The following GPC6 variants were observed in gnomAD, a reference collection of about 807,000 sequenced individuals.
GPC6 encodes the protein glypican-6.
Under a neutral mutation model 55.2 loss-of-function variants are expected in GPC6, and 14 were observed. The observed-to-expected ratio is 0.25, with a 90% CI of 0.17 to 0.40. The LOEUF is 0.40. Ranked by LOEUF, GPC6 falls within the 10% of genes least tolerant of loss-of-function variation. The probability of loss-of-function intolerance (pLI) is 1.00; values close to 1 mark genes in which losing one functional copy is unlikely to be tolerated. For synonymous variants in GPC6, 278 were observed against 259.6 expected (o/e 1.07, Z -0.68); for missense variants, 641 against 708.5 (o/e 0.90, Z 1.08).
chr13:94,046,691 A>G (rs1353405129), intron 4 of GPC6, among the ~76,000 whole-genome samples: 1 of 151,942 alleles, frequency 6.6e-6, no homozygotes, highest in Non-Finnish European at 1.5e-5. Context: ...ACTTTTCTGC[A>G]TTTCTCTTAT....
chr13:93,224,128 G>C (rs186374843), upstream of GPC6, among the ~76,000 whole-genome samples: 9 of 151,200 alleles, frequency 6.0e-5, no homozygotes, highest in East Asian at 1.8e-3. Flanking sequence ...TCGATCTCCT[G>C]ACCTCGTGAT....
At chr13:94,366,619 C>T (rs1248673911) in intron 6 of GPC6, among the ~76,000 whole-genome samples, 2 of 152,238 alleles carry the variant, frequency 1.3e-5, no homozygotes, top group African/African-American at 4.8e-5. Context: ...ATTATGAAGA[C>T]CGCATATCTA....
intron 2 of GPC6, among the ~76,000 whole-genome samples, chr13:93,773,414 GA>G (rs946317147): frequency 2.6e-5 from 4 of 152,044 alleles, no homozygotes; most frequent in Non-Finnish European, 5.9e-5. Flanking sequence ...AATTGATGAT[GA>G]AAAAGACAGG....
intron 6 of GPC6, among the ~76,000 whole-genome samples, chr13:94,363,594 C>A (rs565180580): frequency 2.0e-5 from 3 of 152,174 alleles, no homozygotes; most frequent in African/African-American, 7.2e-5. Context: ...ACAACAACCC[C>A]TAGCCTAGGA....
chr13:94,280,086 G>T (rs915212388), intron 4 of GPC6, among the ~76,000 whole-genome samples: 1 of 152,106 alleles, frequency 6.6e-6, no homozygotes, highest in African/African-American at 2.4e-5. Flanking sequence ...AAGTTTCTTT[G>T]TAGGTCTCTA....
At chr13:93,705,939 A>G (rs1198586510) in intron 2 of GPC6, among the ~76,000 whole-genome samples, 1 of 151,708 alleles carries the variant, frequency 6.6e-6, no homozygotes, top group African/African-American at 2.4e-5. Context: ...TGAAACATGA[A>G]TACATACAGA....
chr13:93,538,578 G>T (rs774674431), intron 1 of GPC6, among the ~76,000 whole-genome samples: 11 of 152,176 alleles, frequency 7.2e-5, no homozygotes, highest in Non-Finnish European at 1.5e-4. Context: ...TTCTTAAGGT[G>T]ATTGAAACTG....
At chr13:94,181,358 C>T (rs568892962) in intron 4 of GPC6, among the ~76,000 whole-genome samples, 1 of 152,264 alleles carries the variant, frequency 6.6e-6, no homozygotes, top group South Asian at 2.1e-4. Context: ...CTCTTTATTT[C>T]TCAGACCGGC....
At position 94,097,046 on chromosome 13, in the gene GPC6, A is replaced by ACACC. The variant is rs1240998704; in HGVS notation, c.877+69152_877+69153insCACC. ...AACACCTATTATGATAAATAGGTTA[A>ACACC]TACCTATTATGCACTTAGCACAGTG... On this transcript the variant is annotated intron_variant, in intron 4 of 8. Transcript: ENST00000377047. Among the ~76,000 whole-genome samples the ACACC allele has an allele frequency of 3.8e-3, 576 of 151,916 alleles. 8 individuals are homozygous for ACACC. Among genetic ancestry groups the ACACC allele is most frequent in the African/African-American group, 0.013 (554 of 41,444 alleles).
intron 6 of GPC6, among the ~76,000 whole-genome samples, chr13:94,335,714 G>A (rs1369160116): frequency 1.3e-5 from 2 of 152,096 alleles, no homozygotes; most frequent in Admixed American, 1.3e-4. Flanking sequence ...ATATGTGTGT[G>A]GATTTGAACT....
intron 2 of GPC6, among the ~76,000 whole-genome samples, chr13:93,600,981 C>T (rs1423804823): frequency 7.3e-6 from 1 of 136,180 alleles, no homozygotes; most frequent in Non-Finnish European, 1.6e-5. Context: ...AAAAAAAAAA[C>T]GGGGATATGA....
At chr13:94,236,273 C>T (rs760404918) in intron 4 of GPC6, among the ~76,000 whole-genome samples, 6 of 152,064 alleles carry the variant, frequency 3.9e-5, no homozygotes, top group East Asian at 1.9e-4. Context: ...GATTAGTTGA[C>T]GGAGCAGCAG....
At chr13:93,995,407 C>T (rs909299064) in intron 3 of GPC6, among the ~76,000 whole-genome samples, 4 of 151,922 alleles carry the variant, frequency 2.6e-5, no homozygotes, top group African/African-American at 9.7e-5. Flanking sequence ...AGGCTGGTCT[C>T]GATCTCCTAA....
intron 4 of GPC6, among the ~76,000 whole-genome samples, chr13:94,205,868 G>A (rs570143259): frequency 1.4e-4 from 22 of 152,308 alleles, no homozygotes; most frequent in African/African-American, 5.3e-4. Flanking sequence ...TGAGTTATCT[G>A]GAACACTGGT....
At position 93,752,419 on chromosome 13, in the gene GPC6, T is replaced by C. The variant is rs1000185098; in HGVS notation, c.320-77735T>C. On this transcript the variant is annotated intron_variant, in intron 2 of 8. Transcript: ENST00000377047. ...TGCTCTTCACACAAGAGATGAACTG[T>C]TGCTTCTCTATGTGTTTTACATTAA... Among the ~76,000 whole-genome samples, 52 of 151,638 alleles carry C rather than the reference T, an allele frequency of 3.4e-4. 1 individual carries two copies. The highest frequency in any genetic ancestry group is 1.5e-5 in the Non-Finnish European group (1 of 67,964).
At chr13:93,327,532 G>A (rs1364870435) in intron 1 of GPC6, among the ~76,000 whole-genome samples, 1 of 152,118 alleles carries the variant, frequency 6.6e-6, no homozygotes, top group South Asian at 2.1e-4. Context: ...AACCTCATTA[G>A]GGAGACAATG....
At chr13:93,626,205 C>T (rs1160334130) in intron 2 of GPC6, among the ~76,000 whole-genome samples, 1 of 152,150 alleles carries the variant, frequency 6.6e-6, no homozygotes, top group Non-Finnish European at 1.5e-5. Flanking sequence ...AAAGCAGGGC[C>T]AGCTACATGA....
chr13:94,063,297 G>A lies in GPC6; in HGVS notation c.877+35403G>A, dbSNP rs548866751. Among the ~76,000 whole-genome samples, 3 of 152,278 alleles carry A rather than the reference G, an allele frequency of 2.0e-5. No individual in the cohort carries two copies. The South Asian group carries it at 6.2e-4, about 32-fold the overall frequency. On this transcript the variant is annotated intron_variant, in intron 4 of 8. Transcript: ENST00000377047. ...AGTAGATTTTGCAGTGCCAGACTTT[G>A]TTTGGGAATCCCTTTGTGATCCAAA...
intron 3 of GPC6, among the ~76,000 whole-genome samples, chr13:93,865,322 C>A (rs1378837343): frequency 6.6e-6 from 1 of 151,710 alleles, no homozygotes; most frequent in Non-Finnish European, 1.5e-5. Context: ...TGATAAATGT[C>A]TGGCCTACTT....
Sources: gnomAD v4.1 joint callset for allele counts (sites outside exome capture counted in the v4.1 genomes callset) on GRCh38, gnomAD v4.1.1 for gene constraint, MANE v1.5 for transcripts, NCBI Gene and HGNC (gene_info 2026-07-23, HGNC 2026-07-21) for gene names.